Variants in CDH13 observed in about 807,000 individuals in gnomAD.
The protein encoded by CDH13 is cadherin 13.
A neutral mutation model predicts 63.8 loss-of-function variants in CDH13; 24 were observed. The observed-to-expected ratio is 0.38, with a 90% confidence interval of 0.27 to 0.53. CDH13 has a LOEUF of 0.53. Among genes scored for constraint, CDH13 ranks in the 20% least tolerant of loss-of-function variants. CDH13 has a pLI of 0.85. For missense variants in CDH13, 1,049 were observed against 903.1 expected (o/e 1.16, Z -2.07); for synonymous variants, 503 against 355.3 (o/e 1.42, Z -4.67).
intron 5 of CDH13, among the ~76,000 whole-genome samples, chr16:83,275,670 AG>A (rs34186720): frequency 1 from 151,458 of 152,196 alleles, 75,369 homozygotes; most frequent in Middle Eastern, 1. Flanking sequence ...TTGGAAGATA[AG>A]GGGGGGCCTG....
chr16:83,157,450 T>A (rs1029718104), intron 4 of CDH13, among the ~76,000 whole-genome samples: 2 of 152,294 alleles, frequency 1.3e-5, no homozygotes, highest in African/African-American at 4.8e-5. Context: ...GCTAACCCAA[T>A]TTACATTATA....
chr16:82,927,928 G>C (rs921836240), intron 2 of CDH13, among the ~76,000 whole-genome samples: 5 of 152,174 alleles, frequency 3.3e-5, no homozygotes, highest in African/African-American at 1.2e-4. Flanking sequence ...CATTGTATTA[G>C]ATATTGGGGC....
intron 10 of CDH13, 53 bp from the exon 11 acceptor site, chr16:83,748,055 T>A (rs183270386): frequency 1.2e-6 from 2 of 1,605,390 alleles, no homozygotes; most frequent in East Asian, 4.5e-5. Flanking sequence ...TCTGTAAATG[T>A]TTCTTGAATC....
At chr16:82,929,884 A>G (rs962621500) in intron 2 of CDH13, among the ~76,000 whole-genome samples, 4 of 151,940 alleles carry the variant, frequency 2.6e-5, no homozygotes, top group African/African-American at 4.8e-5. Context: ...TAACAAATCT[A>G]TAGATTGATT....
At chr16:83,379,145 A>G (rs189734275) in intron 6 of CDH13, among the ~76,000 whole-genome samples, 63 of 152,272 alleles carry the variant, frequency 4.1e-4, no homozygotes, top group Admixed American at 1.7e-3. Context: ...TTTGTTGGCA[A>G]TTATTCTTAG....
intron 4 of CDH13, among the ~76,000 whole-genome samples, chr16:83,177,769 A>C (rs951489954): frequency 3.9e-5 from 6 of 152,220 alleles, no homozygotes; most frequent in Non-Finnish European, 8.8e-5. Flanking sequence ...CTTAAGAACA[A>C]GAGAATGTCA....
chr16:83,417,769 G>A (rs2071595470), intron 6 of CDH13, among the ~76,000 whole-genome samples: 1 of 152,130 alleles, frequency 6.6e-6, no homozygotes, highest in Admixed American at 6.5e-5. Flanking sequence ...TGTTATATAA[G>A]CAATCAGAAT....
At chr16:83,753,755 A>G (rs1158024494) in intron 11 of CDH13, among the ~76,000 whole-genome samples, 1 of 152,154 alleles carries the variant, frequency 6.6e-6, no homozygotes, top group Non-Finnish European at 1.5e-5. Context: ...TTGATAAAAT[A>G]TATGGCTTCG....
At chr16:83,542,853 A>T (rs2075319415) in intron 7 of CDH13, among the ~76,000 whole-genome samples, 1 of 152,216 alleles carries the variant, frequency 6.6e-6, no homozygotes, top group Admixed American at 6.5e-5. Context: ...GCCCGTGCTC[A>T]TGACCTCATT....
chr16:82,743,791 T>G (rs1391449463), intron 1 of CDH13, among the ~76,000 whole-genome samples: 1 of 152,232 alleles, frequency 6.6e-6, no homozygotes, highest in Non-Finnish European at 1.5e-5. Context: ...ATTAAAAATC[T>G]TGCCATAAGT....
At chr16:83,461,757 A>T (rs897775210) in intron 6 of CDH13, among the ~76,000 whole-genome samples, 1 of 152,222 alleles carries the variant, frequency 6.6e-6, no homozygotes, top group Non-Finnish European at 1.5e-5. Flanking sequence ...GTAACTAGCA[A>T]TGTAAAAGAT....
intron 1 of CDH13, among the ~76,000 whole-genome samples, chr16:82,713,430 G>A (rs77169137): frequency 3.0e-4 from 45 of 152,256 alleles, no homozygotes; most frequent in African/African-American, 1.0e-3. Flanking sequence ...AGGGGCTGGA[G>A]TATGCGTCCC....
intron 6 of CDH13, among the ~76,000 whole-genome samples, chr16:83,408,267 A>T (rs2092076347): frequency 2.0e-5 from 3 of 152,248 alleles, no homozygotes; most frequent in Admixed American, 2.0e-4. Flanking sequence ...AACACTGCAC[A>T]CACATACACA....
At chr16:83,598,226 G>A (rs1179882284) in intron 7 of CDH13, among the ~76,000 whole-genome samples, 1 of 152,122 alleles carries the variant, frequency 6.6e-6, no homozygotes, top group African/African-American at 2.4e-5. Context: ...TTAGCTGGGT[G>A]TGGTGGCGTG....
At chr16:82,991,287 G>C (rs758370279) in intron 2 of CDH13, among the ~76,000 whole-genome samples, 3 of 152,156 alleles carry the variant, frequency 2.0e-5, no homozygotes, top group Non-Finnish European at 4.4e-5. Flanking sequence ...AATAATTTTG[G>C]TTTTTACTGC....
intron 2 of CDH13, among the ~76,000 whole-genome samples, chr16:82,881,454 G>A (rs1192654406): frequency 6.6e-6 from 1 of 152,100 alleles, no homozygotes; most frequent in Non-Finnish European, 1.5e-5. Flanking sequence ...TCCTGAGTTG[G>A]GGCAAGGGAG....
intron 2 of CDH13, among the ~76,000 whole-genome samples, chr16:82,962,527 G>C (rs1487907229): frequency 6.6e-6 from 1 of 152,186 alleles, no homozygotes; most frequent in Non-Finnish European, 1.5e-5. Context: ...CATTAGGAGA[G>C]ATGGGGTCCA....
At chr16:83,746,081 C>A (rs1912554252) in intron 10 of CDH13, among the ~76,000 whole-genome samples, 2 of 152,184 alleles carry the variant, frequency 1.3e-5, no homozygotes. Flanking sequence ...GGATATTATA[C>A]CTACTATAAT....
rs1322468253 is a variant in CDH13, at chr16:83,323,170, T to C, written c.637-21692T>C. On this transcript the variant is annotated intron_variant, in intron 5 of 13. Transcript: ENST00000567109. ...CCCTACTTCTTTCTTTCTTTCTCTT[T>C]CTTTTTTCTTTCTTTCTTTCTTTCT... Among the ~76,000 whole-genome samples the C allele has an allele frequency of 5.0e-3, 11 of 2,218 alleles. No individual in the cohort carries two copies. In the Non-Finnish European group the frequency reaches 0.083, roughly 17 times the overall value. The allele number at this position is 2,218 out of a possible 152,430, so 1.5% of individuals were successfully genotyped here. A position where few individuals can be genotyped will look rare whatever the true frequency, so the allele number is the denominator to read the frequency against.
Sources: gnomAD v4.1 joint callset for allele counts (sites outside exome capture counted in the v4.1 genomes callset) on GRCh38, gnomAD v4.1.1 for gene constraint, MANE v1.5 for transcripts, NCBI Gene and HGNC (gene_info 2026-07-23, HGNC 2026-07-21) for gene names.